The following ELFN2 variants were observed in gnomAD, a reference collection of about 807,000 sequenced individuals.
The protein encoded by ELFN2 is protein phosphatase 1 regulatory subunit 29.
A neutral mutation model predicts 45.5 loss-of-function variants in ELFN2; 17 were observed. The observed-to-expected ratio is 0.37, with a 90% confidence interval of 0.26 to 0.56. The LOEUF (loss-of-function observed/expected upper bound fraction) is 0.56. Ranked by LOEUF, ELFN2 falls within the 20% of genes least tolerant of loss-of-function variation. The pLI is 0.77. For synonymous variants in ELFN2, 550 were observed against 551.5 expected, an observed-to-expected ratio of 1.00 and a Z score of 0.04; for missense variants, 922 against 1,183.2, an observed-to-expected ratio of 0.78 and a Z score of 3.24.
intron 1 of ELFN2, among the ~76,000 whole-genome samples, chr22:37,348,407 G>T (rs555821864): frequency 1.3e-4 from 19 of 151,412 alleles, no homozygotes; most frequent in African/African-American, 4.3e-4. Context: ...CTGTGTTAGG[G>T]GGCAGGGAAG....
chr22:37,381,979 A>G (rs1423748305), intron 2 of ELFN2, among the ~76,000 whole-genome samples: 3 of 147,980 alleles, frequency 2.0e-5, no homozygotes, highest in Admixed American at 1.3e-4. Context: ...AAAAAAAAAA[A>G]AAAAAAAAAA....
chr22:37,404,419 G>C (rs1411104968), intron 2 of ELFN2, among the ~76,000 whole-genome samples: 1 of 152,084 alleles, frequency 6.6e-6, no homozygotes, highest in Non-Finnish European at 1.5e-5. Context: ...GGGGAGTTCA[G>C]GGATGCCACC....
chr22:37,375,913 C>A lies in ELFN2; in HGVS notation c.-379G>T. 3.2e-6 allele frequency: 1 copy of A among 317,312 alleles called. No homozygotes were observed. Among genetic ancestry groups the A allele is most frequent in the Non-Finnish European group, 6.2e-6 (1 of 161,474 alleles). The allele number at this position is 317,312 out of a possible 1,614,324, so 19.7% of individuals were successfully genotyped here. ...CCGGGCTCAGAACTTCAGATGATTC[C>A]CACAGGAGGCTGGAGAGTGCCGCAC... On this transcript the variant is annotated 5_prime_UTR_variant, in exon 3 of 3. Coordinates refer to ENST00000402918, the MANE Select transcript of ELFN2 (RefSeq NM_052906.5).
At chr22:37,341,216 G>A (rs922153207) in intron 2 of ELFN2, among the ~76,000 whole-genome samples, 3 of 152,134 alleles carry the variant, frequency 2.0e-5, no homozygotes, top group Non-Finnish European at 2.9e-5. Flanking sequence ...TGACTGGGTC[G>A]GGTGGGCCTC....
At chr22:37,400,038 C>T (rs1318646443) in intron 2 of ELFN2, among the ~76,000 whole-genome samples, 3 of 152,188 alleles carry the variant, frequency 2.0e-5, no homozygotes, top group Admixed American at 2.0e-4. Flanking sequence ...CAACCACCCC[C>T]TCCCTGCCTC....
At chr22:37,423,647 G>A (rs1211857270) in intron 1 of ELFN2, among the ~76,000 whole-genome samples, 4 of 152,168 alleles carry the variant, frequency 2.6e-5, no homozygotes, top group South Asian at 2.1e-4. Context: ...CTGGCTCTCA[G>A]TAGGGGCTCA....
intron 2 of ELFN2, among the ~76,000 whole-genome samples, chr22:37,400,678 C>T (rs1442574941): frequency 6.6e-6 from 1 of 152,226 alleles, no homozygotes; most frequent in Non-Finnish European, 1.5e-5. Flanking sequence ...GAGGGAAGGA[C>T]ATGGCCTCAC....
intron 1 of ELFN2, among the ~76,000 whole-genome samples, chr22:37,424,682 G>A (rs936005293): frequency 1.2e-5 from 1 of 81,574 alleles, no homozygotes; most frequent in Admixed American, 1.1e-4. Flanking sequence ...GAGGGCGGCG[G>A]GGGGGGGGAT....
rs566547957 is a variant in ELFN2, at chr22:37,373,956, C to T, written c.1579G>A (p.Gly527Ser). ...GAGATCTCTGCAGCCGAGCCCTGGC[C>T]GTTCTCGAGGTCCGGGAGGTCATCC... The part of the protein sequence containing the change: ...PEDDLPDLEN[G>S]QGSAAEISTI... Residue 527 changes from glycine (G) to serine (S), a missense_variant, in exon 3 of 3, where the codon GGC (glycine) becomes AGC (serine). Physicochemically the swap from Gly to Ser is moderately conservative, Grantham distance 56. Transcript: ENST00000402918. 82 of 1,612,516 alleles carry T rather than the reference C, an allele frequency of 5.1e-5. 2 individuals carry two copies. In the South Asian group the frequency reaches 5.4e-4, roughly 11 times the overall value.
At chr22:37,379,528 C>T (rs951211886) in intron 2 of ELFN2, among the ~76,000 whole-genome samples, 5 of 152,210 alleles carry the variant, frequency 3.3e-5, no homozygotes, top group Non-Finnish European at 7.4e-5. Context: ...AGTGCCCCAC[C>T]ACCAGCTCTC....
chr22:37,380,009 A>T (rs1035724089), intron 2 of ELFN2, among the ~76,000 whole-genome samples: 1 of 152,030 alleles, frequency 6.6e-6, no homozygotes, highest in African/African-American at 2.4e-5. Flanking sequence ...TTTTATAGTT[A>T]TTTCTTCACA....
intron 2 of ELFN2, among the ~76,000 whole-genome samples, chr22:37,376,262 G>A (rs1196433938): frequency 6.6e-6 from 1 of 152,024 alleles, no homozygotes; most frequent in Admixed American, 6.5e-5. Flanking sequence ...GGCACAGAAG[G>A]GACACTGGAG....
exon 3 of ELFN2, chr22:37,340,655 C>A (rs898995818): frequency 6.6e-6 from 1 of 152,102 alleles, no homozygotes; most frequent in Non-Finnish European, 1.5e-5. Flanking sequence ...GGGGAGGCTG[C>A]CCGACTCCTG....
intron 2 of ELFN2, among the ~76,000 whole-genome samples, chr22:37,397,840 G>C (rs1234865416): frequency 1.3e-5 from 2 of 152,144 alleles, no homozygotes; most frequent in Non-Finnish European, 2.9e-5. Context: ...GGGAGGCTGT[G>C]GGCACCCGGG....
chr22:37,351,246 C>T (rs1930814372), intron 1 of ELFN2, among the ~76,000 whole-genome samples: 1 of 149,278 alleles, frequency 6.7e-6, no homozygotes, highest in South Asian at 2.1e-4. Flanking sequence ...ACTGTCTTCT[C>T]CTTGTTCTCT....
At chr22:37,359,353 C>G (rs982064504) in intron 1 of ELFN2, among the ~76,000 whole-genome samples, 2 of 141,010 alleles carry the variant, frequency 1.4e-5, no homozygotes, top group Non-Finnish European at 3.1e-5. Flanking sequence ...TGGGAGCCTT[C>G]CCCTGGCCTC....
At chr22:37,407,849 C>G (rs935764366) in intron 2 of ELFN2, among the ~76,000 whole-genome samples, 1 of 151,664 alleles carries the variant, frequency 6.6e-6, no homozygotes, top group Non-Finnish European at 1.5e-5. Flanking sequence ...AAGCCGAGAT[C>G]GCGCCACTAC....
At chr22:37,363,888 C>T (rs971186777), downstream of ELFN2, among the ~76,000 whole-genome samples, 7 of 152,146 alleles carry the variant, frequency 4.6e-5, no homozygotes, top group Non-Finnish European at 7.4e-5. Flanking sequence ...ACAGTGACAG[C>T]GGGAGGCCAG....
intron 1 of ELFN2, among the ~76,000 whole-genome samples, chr22:37,418,275 G>A (rs1189309477): frequency 6.6e-6 from 1 of 151,912 alleles, no homozygotes; most frequent in African/African-American, 2.4e-5. Context: ...AAGAGATGGA[G>A]GTAGAGACAG....
Sources: gnomAD v4.1 joint callset for allele counts (sites outside exome capture counted in the v4.1 genomes callset) on GRCh38, gnomAD v4.1.1 for gene constraint, MANE v1.5 for transcripts, NCBI Gene and HGNC (gene_info 2026-07-23, HGNC 2026-07-21) for gene names.